The following TACO1 variants were observed in gnomAD, a reference collection of about 807,000 sequenced individuals.
The protein encoded by TACO1 is translational activator of cytochrome c oxidase I.
A neutral mutation model predicts 24.0 loss-of-function variants in TACO1; 13 were observed. The ratio of observed to expected loss-of-function variants is 0.54; its 90% CI spans 0.35 to 0.86. The LOEUF is 0.86. TACO1 is among the 40% of genes least tolerant of loss of function. The pLI is 0.01. For missense variants in TACO1, 352 were observed against 380.1 expected, an observed-to-expected ratio of 0.93 and a Z score of 0.61; for synonymous variants, 149 against 153.5, an observed-to-expected ratio of 0.97 and a Z score of 0.22.
chr17:63,601,275 CAA>C lies in TACO1; in HGVS notation c.194_195del (p.Lys65SerfsTer35). 1 of 1,612,554 alleles carries C rather than the reference CAA, an allele frequency of 6.2e-7. No homozygotes were observed. The highest frequency in any genetic ancestry group is 8.5e-7 in the Non-Finnish European group (1 of 1,179,774). ...TCCCCGCCGGGCACAACAAGTGGTC[CAA>C]AGTCAGGCACATCAAGGGTCCGAAG... ...AVPAGHNKWS[K>X]VRHIKGPKDV... On this transcript the variant is annotated frameshift_variant, in exon 1 of 5. Coordinates refer to ENST00000258975, the MANE Select transcript of TACO1 (RefSeq NM_016360.4). LOFTEE classifies it high-confidence loss of function.
At chr17:63,606,806 C>T in intron 3 of TACO1, 1 of 365,884 alleles carries the variant, frequency 2.7e-6, no homozygotes, top group Non-Finnish European at 5.2e-6. Context: ...GCCTCAGCCT[C>T]CCAAAGTGCT....
At position 63,608,064 on chromosome 17, in the gene TACO1, G is replaced by C; in HGVS notation, c.*62G>C. ...TGTGGCAGCCCATTCCAGCACACAG[G>C]CTTCTGCAGCAATCTCTGAGGGTAA... On this transcript the variant is annotated 3_prime_UTR_variant, in exon 5 of 5. Coordinates refer to ENST00000258975, the MANE Select transcript of TACO1 (RefSeq NM_016360.4). 6.4e-7 allele frequency: 1 copy of C among 1,572,682 alleles called. No individual in the cohort carries two copies. Among genetic ancestry groups the C allele is most frequent in the Non-Finnish European group, 8.7e-7 (1 of 1,148,658 alleles).
In TACO1 at chr17:63,607,835, A is replaced by C; in HGVS notation, c.727A>C (p.Arg243=). The stretch of plus-strand genomic sequence containing the variant: ...TGATGCCTCTTCACTGCACCAAGTG[A>C]GGAAGAAGCTGGACTCCCTGGGCCT... The part of the protein sequence containing the change: ...ICDASSLHQV[R]KKLDSLGLCS... Residue 243 remains arginine, a synonymous_variant, in exon 5 of 5, where the codon AGG becomes CGG. Transcript: ENST00000258975. The C allele has an allele frequency of 6.2e-7, 1 of 1,614,072 alleles. No individual in the cohort carries two copies. The highest frequency in any genetic ancestry group is 8.5e-7 in the Non-Finnish European group (1 of 1,180,022).
At chr17:63,603,274 T>C (rs1210350969) in intron 1 of TACO1, among the ~76,000 whole-genome samples, 1 of 151,864 alleles carries the variant, frequency 6.6e-6, no homozygotes, top group Non-Finnish European at 1.5e-5. Flanking sequence ...TAAAAATAAT[T>C]ATTATGCACA....
chr17:63,604,963 G>A (rs1487080647), intron 2 of TACO1, among the ~76,000 whole-genome samples: 3 of 151,210 alleles, frequency 2.0e-5, no homozygotes, highest in Non-Finnish European at 2.9e-5. Context: ...GCGGTGAGCC[G>A]AGATTGCACC....
At chr17:63,606,523 C>G in intron 3 of TACO1, 83 bp downstream of exon 3, 1 of 1,560,700 alleles carries the variant, frequency 6.4e-7, no homozygotes, top group Non-Finnish European at 8.8e-7. Flanking sequence ...TTGATCTCTG[C>G]TAGTGTTTCA....
At chr17:63,602,423 G>C (rs2147786744) in intron 1 of TACO1, among the ~76,000 whole-genome samples, 1 of 152,178 alleles carries the variant, frequency 6.6e-6, no homozygotes, top group Middle Eastern at 3.4e-3. Context: ...CACATCATAG[G>C]CATTCAGTTA....
At position 63,606,769 on chromosome 17, in the gene TACO1, G is replaced by A. The variant is rs190349661; in HGVS notation, c.515+329G>A. The A allele has an allele frequency of 2.2e-4, 84 of 381,656 alleles. 2 individuals are homozygous for A. The Middle Eastern group carries it at 2.6e-3, about 12-fold the overall frequency. 23.6% of individuals were successfully genotyped at this position (381,656 alleles called of 1,614,324 possible). ...TCATCATGTTGGCCAGACTGGTCTC[G>A]AACTCCTGATCTCAGGTGATCCACC... is the stretch of plus-strand genomic sequence containing the variant. On this transcript the variant is annotated intron_variant, in intron 3 of 4. Transcript: ENST00000258975.
Position 63,605,191 on chromosome 17 carries a change from G to T in TACO1, c.387+551G>T, listed in dbSNP as rs1375146502. On this transcript the variant is annotated intron_variant, in intron 2 of 4. Coordinates refer to ENST00000258975, the MANE Select transcript of TACO1 (RefSeq NM_016360.4). ...AAGACCGGGACTGCTCAGCCAAGTT[G>T]TAGGGAGATGAGGTATTATAGAAAG... is the stretch of plus-strand genomic sequence containing the variant. 5.9e-5 allele frequency among the ~76,000 whole-genome samples: 9 copies of T among 152,206 alleles called. No individual in the cohort carries two copies. In the East Asian group the frequency reaches 1.7e-3, roughly 29 times the overall value.
chr17:63,606,489 C>T (rs2033863459), intron 3 of TACO1, 49 bp downstream of exon 3: 5 of 1,609,438 alleles, frequency 3.1e-6, no homozygotes, highest in Non-Finnish European at 4.3e-6. Flanking sequence ...CTTTATGTTC[C>T]AATTCTCTGC....
Position 63,608,308 on chromosome 17 carries a change from T to G in TACO1, c.*306T>G. 1 of 455,140 alleles carries G rather than the reference T, an allele frequency of 2.2e-6. No homozygotes were observed. The highest frequency in any genetic ancestry group is 4.1e-6 in the Non-Finnish European group (1 of 245,478). 28.2% of individuals were successfully genotyped at this position (455,140 alleles called of 1,614,324 possible). On this transcript the variant is annotated 3_prime_UTR_variant, in exon 5 of 5. Coordinates refer to ENST00000258975, the MANE Select transcript of TACO1 (RefSeq NM_016360.4). ...GCCTCTGTGGGGATTGTAAGTGCCC[T>G]GAGGCGCTCTGTACTAGAAACTGCT...
At chr17:63,605,280 A>G (rs2033854274) in intron 2 of TACO1, among the ~76,000 whole-genome samples, 1 of 152,108 alleles carries the variant, frequency 6.6e-6, no homozygotes, top group Admixed American at 6.6e-5. Flanking sequence ...TCAGATGTTT[A>G]TGCCCTAAAG....
rs370007551 is a variant in TACO1 at position 63,607,981 on chromosome 17, C to T, written c.873C>T (p.His291=). 2.2e-4 allele frequency: 361 copies of T among 1,614,182 alleles called. No individual in the cohort carries two copies. The highest frequency in any genetic ancestry group is 2.9e-4 in the Non-Finnish European group (337 of 1,180,034). The part of the protein sequence containing the change: ...QALSNHEDVI[H]VYDNIE ...TCAGCAACCACGAGGATGTGATTCA[C>T]GTCTATGATAACATTGAATAACCAG... is the stretch of plus-strand genomic sequence containing the variant. Residue 291 remains histidine, a synonymous_variant, in exon 5 of 5, where the codon CAC becomes CAT. Transcript: ENST00000258975.
At position 63,604,591 on chromosome 17, in the gene TACO1, G is replaced by A. The variant is rs763544698; in HGVS notation, c.338G>A (p.Arg113His). 97 of 1,613,884 alleles carry A rather than the reference G, an allele frequency of 6.0e-5. No homozygotes were observed. The highest frequency in any genetic ancestry group is 1.1e-4 in the South Asian group (10 of 91,078). The change falls in exon 2 of 5, where the codon CGC becomes CAC. Residue 113 changes from arginine (R) to histidine (H), a missense_variant. Transcript: ENST00000258975. Reference sequence around the variant, plus strand: ...CTGGCCAATATCTTAGAGGTGTGTCGCAGCAAACATATGCCCAAGTCAACG... The same window carrying A: ...CTGGCCAATATCTTAGAGGTGTGTCACAGCAAACATATGCCCAAGTCAACG... ...SNLANILEVCRSKHMPKSTIE... is the reference protein window; with the variant it reads ...SNLANILEVCHSKHMPKSTIE...
At chr17:63,607,225 C>A in intron 3 of TACO1, 62 bp from the exon 4 acceptor site, 1 of 1,451,880 alleles carries the variant, frequency 6.9e-7, no homozygotes, top group Non-Finnish European at 9.6e-7. Context: ...GAATGATGAG[C>A]TTTATGGAGG....
chr17:63,603,056 C>T (rs1568111379), intron 1 of TACO1, among the ~76,000 whole-genome samples: 1 of 151,706 alleles, frequency 6.6e-6, no homozygotes, highest in African/African-American at 2.4e-5. Flanking sequence ...CACGGTGAAA[C>T]CCCGTCTCTA....
At chr17:63,604,280 G>T (rs1211791824) in intron 1 of TACO1, among the ~76,000 whole-genome samples, 1 of 152,088 alleles carries the variant, frequency 6.6e-6, no homozygotes, top group Non-Finnish European at 1.5e-5. Context: ...GGATGTTGCA[G>T]TGAGCCAAGA....
chr17:63,605,979 T>G (rs963051163), intron 2 of TACO1, among the ~76,000 whole-genome samples: 1 of 152,088 alleles, frequency 6.6e-6, no homozygotes, highest in African/African-American at 2.4e-5. Flanking sequence ...ACCGGTGGGT[T>G]TCTTACAGGA....
At chr17:63,605,428 C>A (rs771325575) in intron 2 of TACO1, among the ~76,000 whole-genome samples, 2 of 152,136 alleles carry the variant, frequency 1.3e-5, no homozygotes, top group African/African-American at 2.4e-5. Flanking sequence ...ATCTTAATAG[C>A]TCAAAATTAT....
Sources: gnomAD v4.1 joint callset for allele counts (sites outside exome capture counted in the v4.1 genomes callset) on GRCh38, gnomAD v4.1.1 for gene constraint, MANE v1.5 for transcripts, NCBI Gene and HGNC (gene_info 2026-07-23, HGNC 2026-07-21) for gene names.